Variants in GNA14 observed in about 807,000 individuals in gnomAD.
The protein encoded by GNA14 is G protein subunit alpha 14, also known as guanine nucleotide-binding protein subunit alpha-14.
GNA14 carries 50 observed loss-of-function variants against 42.0 expected under a neutral mutation model. The observed-to-expected ratio is 1.19, with a 90% confidence interval of 0.95 to 1.51. GNA14 has a LOEUF of 1.51. Ranked by LOEUF, GNA14 falls within the 40% of genes most tolerant of loss-of-function variation. The pLI, the probability that GNA14 is intolerant of heterozygous loss-of-function variation, is 0.00. For missense variants in GNA14, 473 were observed against 446.2 expected, an observed-to-expected ratio of 1.06 and a Z score of -0.54; for synonymous variants, 173 against 163.1, an observed-to-expected ratio of 1.06 and a Z score of -0.46.
intron 1 of GNA14, among the ~76,000 whole-genome samples, chr9:77,548,197 C>T (rs1371766776): frequency 6.6e-6 from 1 of 152,192 alleles, no homozygotes; most frequent in African/African-American, 2.4e-5. Flanking sequence ...CTCCCAGCTC[C>T]TGGTGGTTGT....
chr9:77,482,826 C>T (rs914668992), intron 2 of GNA14, among the ~76,000 whole-genome samples: 4 of 152,162 alleles, frequency 2.6e-5, no homozygotes, highest in Non-Finnish European at 5.9e-5. Context: ...CACTGATACC[C>T]TTTTTTCCAA....
At chr9:77,592,178 A>AGGCG (rs1823400819) in intron 1 of GNA14, among the ~76,000 whole-genome samples, 1 of 152,190 alleles carries the variant, frequency 6.6e-6, no homozygotes, top group Non-Finnish European at 1.5e-5. Flanking sequence ...CTGGGATTAC[A>AGGCG]GGCGTGAGCC....
chr9:77,550,583 TATC>T (rs922039184), intron 1 of GNA14, among the ~76,000 whole-genome samples: 19 of 152,222 alleles, frequency 1.2e-4, no homozygotes, highest in African/African-American at 4.6e-4. Flanking sequence ...ACACACTCAT[TATC>T]ATAAAATACA....
At chr9:77,584,868 A>G (rs1823279684) in intron 1 of GNA14, among the ~76,000 whole-genome samples, 1 of 152,076 alleles carries the variant, frequency 6.6e-6, no homozygotes, top group Admixed American at 6.5e-5. Context: ...TAACTTCCTG[A>G]TGTTGCCATG....
intron 2 of GNA14, among the ~76,000 whole-genome samples, chr9:77,508,450 G>A (rs1384486784): frequency 6.6e-6 from 1 of 152,160 alleles, no homozygotes; most frequent in African/African-American, 2.4e-5. Flanking sequence ...GATTAAAATT[G>A]GAGACGACTG....
At chr9:77,439,027 C>T (rs1396007207) in intron 2 of GNA14, among the ~76,000 whole-genome samples, 4 of 152,178 alleles carry the variant, frequency 2.6e-5, no homozygotes, top group African/African-American at 7.2e-5. Flanking sequence ...TGTAGGATCA[C>T]CTGTTGCATA....
chr9:77,624,540 G>A (rs1823984136), intron 1 of GNA14, among the ~76,000 whole-genome samples: 2 of 152,190 alleles, frequency 1.3e-5, no homozygotes, highest in African/African-American at 4.8e-5. Flanking sequence ...GCATCTAGCA[G>A]ATGCCCCTCT....
chr9:77,442,460 C>A (rs1403284121), intron 2 of GNA14, among the ~76,000 whole-genome samples: 1 of 152,204 alleles, frequency 6.6e-6, no homozygotes, highest in Admixed American at 6.5e-5. Context: ...AGCAGATGAG[C>A]CCTGCAATGG....
At chr9:77,580,077 G>T (rs1028336947) in intron 1 of GNA14, among the ~76,000 whole-genome samples, 13 of 152,116 alleles carry the variant, frequency 8.5e-5, no homozygotes, top group Non-Finnish European at 1.6e-4. Context: ...ACATAACCAG[G>T]GTGACTGTAT....
chr9:77,524,067 A>AGG (rs1837399257), intron 2 of GNA14, among the ~76,000 whole-genome samples: 1 of 152,216 alleles, frequency 6.6e-6, no homozygotes, highest in East Asian at 1.9e-4. Context: ...TGCCTTTGTA[A>AGG]TATTTATTCA....
intron 1 of GNA14, among the ~76,000 whole-genome samples, chr9:77,613,604 T>C (rs1823764429): frequency 6.6e-6 from 1 of 152,202 alleles, no homozygotes; most frequent in Non-Finnish European, 1.5e-5. Context: ...TTTTTGGCCT[T>C]GATGGTGATA....
rs773208470 is a variant in GNA14 at position 77,471,730 on chromosome 9, C to G, written c.310-37208G>C. On this transcript the variant is annotated intron_variant, in intron 2 of 6. Transcript: ENST00000341700. ...GACTGGAAAGCAATCATCAAAGTCACTCACTACAGTCATGCAGGAGTCAGG... is the reference window on the plus strand; with the variant it reads ...GACTGGAAAGCAATCATCAAAGTCAGTCACTACAGTCATGCAGGAGTCAGG... Among the ~76,000 whole-genome samples the G allele has an allele frequency of 2.0e-5, 3 of 152,084 alleles. No homozygotes were observed. The East Asian group carries it at 5.8e-4, about 29-fold the overall frequency.
At chr9:77,525,223 T>TA (rs1466632429) in intron 2 of GNA14, among the ~76,000 whole-genome samples, 2 of 152,226 alleles carry the variant, frequency 1.3e-5, no homozygotes, top group Admixed American at 6.5e-5. Flanking sequence ...AGAGACCATA[T>TA]AGCCCACAAA....
chr9:77,632,109 C>A (rs1196439994), intron 1 of GNA14, among the ~76,000 whole-genome samples: 2 of 152,214 alleles, frequency 1.3e-5, no homozygotes, highest in Non-Finnish European at 2.9e-5. Flanking sequence ...AAGGCCCCCA[C>A]TGCCCTTGCA....
intron 2 of GNA14, among the ~76,000 whole-genome samples, chr9:77,497,786 A>G (rs1161734964): frequency 6.7e-6 from 1 of 148,784 alleles, no homozygotes; most frequent in Non-Finnish European, 1.5e-5. Context: ...CTTTATGACC[A>G]TATGACTTTA....
intron 2 of GNA14, among the ~76,000 whole-genome samples, chr9:77,443,102 A>C (rs1835762274): frequency 6.6e-6 from 1 of 152,244 alleles, no homozygotes; most frequent in African/African-American, 2.4e-5. Flanking sequence ...TCTTCACCAT[A>C]TAGAGATTTG....
chr9:77,460,670 G>A (rs1472221657), intron 2 of GNA14, among the ~76,000 whole-genome samples: 1 of 152,092 alleles, frequency 6.6e-6, no homozygotes, highest in Non-Finnish European at 1.5e-5. Flanking sequence ...GGACGAGTAC[G>A]CAGGAAGCAA....
intron 1 of GNA14, among the ~76,000 whole-genome samples, chr9:77,631,744 T>G (rs575737286): frequency 6.6e-6 from 1 of 152,354 alleles, no homozygotes; most frequent in Non-Finnish European, 1.5e-5. Flanking sequence ...CTATTTGAAG[T>G]TCAAGTATTC....
intron 2 of GNA14, chr9:77,456,362 G>A (rs567898977): frequency 3.5e-4 from 53 of 152,320 alleles, no homozygotes; most frequent in African/African-American, 1.3e-3. Flanking sequence ...CATTACACAT[G>A]TTGTAAAGCC....
Sources: gnomAD v4.1 joint callset for allele counts (sites outside exome capture counted in the v4.1 genomes callset) on GRCh38, gnomAD v4.1.1 for gene constraint, MANE v1.5 for transcripts, NCBI Gene and HGNC (gene_info 2026-07-23, HGNC 2026-07-21) for gene names.